Variants in BDKRB1 observed in about 807,000 individuals in gnomAD.
The protein encoded by BDKRB1 is bradykinin receptor B1.
For synonymous variants in BDKRB1, 192 were observed against 189.1 expected (o/e 1.02, Z -0.13); for missense variants, 414 against 441.4 (o/e 0.94, Z 0.56).
At chr14:96,262,880 G>A in intron 2 of BDKRB1, 110 bp downstream of exon 2, 2 of 347,290 alleles carry the variant, frequency 5.8e-6, no homozygotes, top group South Asian at 2.2e-5. Flanking sequence ...CATCTGCCTT[G>A]GCCTCCCAAA....
At chr14:96,262,542 G>A in intron 1 of BDKRB1, 110 bp from the exon 2 acceptor site, 2 of 397,496 alleles carry the variant, frequency 5.0e-6, no homozygotes, top group East Asian at 1.4e-4. Flanking sequence ...ACAGATGTTA[G>A]TTGTTATCCT....
intron 2 of BDKRB1, among the ~76,000 whole-genome samples, 164 bp from the exon 3 acceptor site, chr14:96,263,509 G>A (rs2071083): frequency 0.079 from 12,046 of 152,100 alleles, 652 homozygotes; most frequent in East Asian, 0.17. Flanking sequence ...ACAAGCGCTC[G>A]ACTCCCCCTT....
intron 1 of BDKRB1, chr14:96,259,659 A>T (rs930455918): frequency 6.6e-6 from 1 of 152,340 alleles, no homozygotes; most frequent in Non-Finnish European, 1.5e-5. Context: ...CTTAAATAGC[A>T]TTCACAAAAA....
rs561439533 is a variant in BDKRB1 at position 96,264,085 on chromosome 14, C to T, written c.403C>T (p.Arg135Cys). The T allele has an allele frequency of 2.6e-5, 41 of 1,606,876 alleles. No individual in the cohort carries two copies. The South Asian group carries it at 3.9e-4, about 15-fold the overall frequency. Residue 135 changes from arginine (R) to cysteine (C), a missense_variant, in exon 3 of 3, where the codon CGC becomes TGC. By Grantham distance (180) the Arg-to-Cys change is radical. Coordinates refer to ENST00000216629, the MANE Select transcript of BDKRB1 (RefSeq NM_000710.4). ...CCTGGTGGTGGCCATCAGCCAGGAC[C>T]GCTACCGCGTGCTGGTGCACCCTAT... ...IFLVVAISQD[R>C]YRVLVHPMAS...
In BDKRB1 at chr14:96,264,225, C is replaced by G; in HGVS notation, c.543C>G (p.Val181=). The change falls in exon 3 of 3, where the codon GTC becomes GTG. Residue 181 remains valine (V), a synonymous_variant. Transcript: ENST00000216629. ...TCCTGCTGCGATCCATCCAAGCCGT[C>G]CCAGATCTGAACATCACCGCCTGCA... The part of the protein sequence containing the change: ...PTFLLRSIQA[V]PDLNITACIL... 6.2e-7 allele frequency: 1 copy of G among 1,614,164 alleles called. No individual in the cohort carries two copies. Among genetic ancestry groups the G allele is most frequent in the East Asian group, 2.2e-5 (1 of 44,888 alleles).
chr14:96,263,311 G>T (rs1374396739), intron 2 of BDKRB1, among the ~76,000 whole-genome samples: 2 of 152,218 alleles, frequency 1.3e-5, no homozygotes, highest in African/African-American at 2.4e-5. Context: ...GATCCCACAA[G>T]AGAGACACGA....
At chr14:96,262,514 G>A in intron 1 of BDKRB1, 138 bp from the exon 2 acceptor site, 1 of 365,448 alleles carries the variant, frequency 2.7e-6, no homozygotes, top group Non-Finnish European at 5.2e-6. Context: ...CTGGAACACA[G>A]ACCATTAATA....
intron 1 of BDKRB1, among the ~76,000 whole-genome samples, chr14:96,258,930 T>C (rs1885680273): frequency 6.6e-6 from 1 of 152,076 alleles, no homozygotes; most frequent in Non-Finnish European, 1.5e-5. Context: ...AAAAAAATCA[T>C]TGGCTTTCTC....
chr14:96,263,224 C>G (rs1467941726), intron 2 of BDKRB1, among the ~76,000 whole-genome samples: 5 of 152,190 alleles, frequency 3.3e-5, no homozygotes, highest in African/African-American at 9.7e-5. Flanking sequence ...TAAGACTAAT[C>G]ACTACCTTCC....
At chr14:96,258,044 A>G (rs11627766) in intron 1 of BDKRB1, among the ~76,000 whole-genome samples, 4,638 of 152,056 alleles carry the variant, frequency 0.031, 129 homozygotes, top group East Asian at 0.13. Context: ...ATCCAACAAA[A>G]TGGTTATATT....
chr14:96,256,430 G>A (rs1011425335), intron 1 of BDKRB1, 130 bp downstream of exon 1: 3 of 152,066 alleles, frequency 2.0e-5, no homozygotes, highest in Admixed American at 1.3e-4. Flanking sequence ...TTCTGTGAGG[G>A]TACTTTTTAA....
At chr14:96,263,000 C>A (rs1195182569) in intron 2 of BDKRB1, among the ~76,000 whole-genome samples, 1 of 152,074 alleles carries the variant, frequency 6.6e-6, no homozygotes, top group Non-Finnish European at 1.5e-5. Context: ...ACACTGGTCC[C>A]AGCCCCAACA....
chr14:96,260,861 A>G (rs966481534), intron 1 of BDKRB1, among the ~76,000 whole-genome samples: 4 of 152,142 alleles, frequency 2.6e-5, no homozygotes, highest in Non-Finnish European at 5.9e-5. Context: ...AGGTCTCATC[A>G]TCCCAGATCT....
At position 96,263,910 on chromosome 14, in the gene BDKRB1, G is replaced by A. The variant is rs780536808; in HGVS notation, c.228G>A (p.Leu76=). The change falls in exon 3 of 3, where the codon CTG becomes CTA. Residue 76 remains leucine (L), a synonymous_variant. Transcript: ENST00000216629. ...AACTGAACGTGGCAGAAATCTACCT[G>A]GCCAACCTGGCAGCCTCTGATCTGG... ...RRQLNVAEIY[L]ANLAASDLVF... 78 of 1,614,084 alleles carry A rather than the reference G, an allele frequency of 4.8e-5. No individual in the cohort carries two copies. The highest frequency in any genetic ancestry group is 6.2e-5 in the Non-Finnish European group (73 of 1,180,048).
rs34474132 is a variant in BDKRB1 at position 96,262,606 on chromosome 14, C to CTTTTTTTTT, written c.-129-34_-129-26dup. The CTTTTTTTTT allele has an allele frequency of 5.1e-3, 1,575 of 310,128 alleles. 1 individual carries two copies. The highest frequency in any genetic ancestry group is 6.9e-3 in the South Asian group (324 of 47,106). 19.2% of individuals were successfully genotyped at this position (310,128 alleles called of 1,614,324 possible). A position where few individuals can be genotyped will look rare whatever the true frequency, so the allele number is the denominator to read the frequency against. ...TTTTTCTTTTCTCTCTCTCTCTCTC[C>CTTTTTTTTT]TTTTTTTTTTTTTTTTTTTTGTTGT... On this transcript the variant is annotated intron_variant, in intron 1 of 2. Coordinates refer to ENST00000216629, the MANE Select transcript of BDKRB1 (RefSeq NM_000710.4).
intron 1 of BDKRB1, among the ~76,000 whole-genome samples, chr14:96,261,618 C>T (rs1249786141): frequency 3.9e-5 from 6 of 152,154 alleles, no homozygotes; most frequent in Admixed American, 6.5e-5. Flanking sequence ...TGAGGCTTTG[C>T]GGGGTTGAAG....
At chr14:96,259,456 A>T (rs1007205507) in intron 1 of BDKRB1, 1 of 152,224 alleles carries the variant, frequency 6.6e-6, no homozygotes, top group Non-Finnish European at 1.5e-5. Context: ...AATTTATAGA[A>T]TATTGACATT....
At chr14:96,259,041 A>G (rs1220503201) in intron 1 of BDKRB1, among the ~76,000 whole-genome samples, 1 of 152,122 alleles carries the variant, frequency 6.6e-6, no homozygotes, top group East Asian at 1.9e-4. Flanking sequence ...TTCAAAATTA[A>G]CTCTTGTACA....
intron 1 of BDKRB1, among the ~76,000 whole-genome samples, chr14:96,260,109 C>G (rs1368739242): frequency 6.6e-6 from 1 of 151,400 alleles, no homozygotes. Flanking sequence ...ACTGCAACCT[C>G]TGCCTCCTAG....
Sources: allele counts gnomAD v4.1 joint callset (sites outside exome capture counted in the v4.1 genomes callset), GRCh38; gene constraint gnomAD v4.1.1; transcripts MANE v1.5; gene names NCBI Gene and HGNC (gene_info 2026-07-23, HGNC 2026-07-21).